ITPR3: variants seen among roughly 807,000 people sequenced by gnomAD.
The protein encoded by ITPR3 is inositol 1,4,5-trisphosphate-gated calcium channel ITPR3.
In ITPR3, 173 loss-of-function variants were observed where a neutral mutation model predicts 293.2. That is an observed-to-expected ratio of 0.59 (90% CI 0.52 to 0.67). The LOEUF (loss-of-function observed/expected upper bound fraction) is 0.67. Among genes scored for constraint, ITPR3 ranks in the 30% least tolerant of loss-of-function variants. ITPR3 has a pLI of 0.00. For synonymous variants in ITPR3, 1,295 were observed against 1,444.4 expected (o/e 0.90, Z 2.35); for missense variants, 2,796 against 3,592.1 (o/e 0.78, Z 5.66).
chr6:33,639,577 TG>T (rs965186062), intron 1 of ITPR3, among the ~76,000 whole-genome samples: 5 of 152,020 alleles, frequency 3.3e-5, no homozygotes, highest in African/African-American at 1.2e-4. Flanking sequence ...GTAACAGGCA[TG>T]GGGGTGTTAA....
intron 7 of ITPR3, among the ~76,000 whole-genome samples, chr6:33,660,560 AG>A (rs1186860372): frequency 6.6e-6 from 1 of 152,010 alleles, no homozygotes; most frequent in Non-Finnish European, 1.5e-5. Context: ...ACATTAATCA[AG>A]GTGCAGCCAT....
At position 33,662,999 on chromosome 6, in the gene ITPR3, C is replaced by G; in HGVS notation, c.947C>G (p.Ala316Gly). Residue 316 changes from alanine to glycine, a missense_variant, in exon 9 of 58, where the codon GCT (alanine) becomes GGT (glycine). Coordinates refer to ENST00000605930, the MANE Select transcript of ITPR3 (RefSeq NM_002224.4). The stretch of plus-strand genomic sequence containing the variant: ...CACCTGGCTACAGGCAACTACCTGG[C>G]TGCTGAGGTGAGCGGGAGGTAGAGG... Reference protein sequence around the residue: ...FKHLATGNYLAAEENPSYKGD... With the variant: ...FKHLATGNYLGAEENPSYKGD... 1 of 1,597,806 alleles carries G rather than the reference C, an allele frequency of 6.3e-7. No homozygotes were observed. Among genetic ancestry groups the G allele is most frequent in the Non-Finnish European group, 8.5e-7 (1 of 1,171,330 alleles).
intron 1 of ITPR3, among the ~76,000 whole-genome samples, chr6:33,631,476 G>A (rs768261673): frequency 6.6e-6 from 1 of 152,180 alleles, no homozygotes; most frequent in Non-Finnish European, 1.5e-5. Flanking sequence ...ATATGTCAGC[G>A]TTTTCTTCTC....
chr6:33,641,779 A>G (rs1244179897), intron 2 of ITPR3, among the ~76,000 whole-genome samples: 1 of 151,916 alleles, frequency 6.6e-6, no homozygotes, highest in Non-Finnish European at 1.5e-5. Context: ...CTCTGCCCTG[A>G]ACGTTCTTTC....
Position 33,689,368 on chromosome 6 carries a change from T to C in ITPR3, c.6825T>C (p.Tyr2275=). 1 of 1,611,912 alleles carries C rather than the reference T, an allele frequency of 6.2e-7. No individual in the cohort carries two copies. Among genetic ancestry groups the C allele is most frequent in the South Asian group, 1.1e-5 (1 of 91,084 alleles). The change falls in exon 50 of 58, where the codon TAT becomes TAC. Residue 2275 remains tyrosine, a synonymous_variant. Transcript: ENST00000605930. ...IVALILRSIY[Y]LGIGPTLNIL... ...CGCTCATCCTGCGCTCCATCTACTA[T>C]CTGGGCATCGGGCCCACACTCAACA...
chr6:33,683,105 C>G lies in ITPR3; in HGVS notation c.4598-102C>G. ...GGTCTCTGTCTCCCAGACCCTTGGT[C>G]TAGTTCACTCTGTCTCCTGGTGTGG... On this transcript the variant is annotated intron_variant, in intron 34 of 57. Transcript: ENST00000605930. The surrounding 1 kb of genome is among the most constrained non-coding windows in gnomAD (Gnocchi z 4.5). 1.2e-6 allele frequency: 1 copy of G among 859,276 alleles called. No individual in the cohort carries two copies. Among genetic ancestry groups the G allele is most frequent in the Non-Finnish European group, 1.7e-6 (1 of 586,802 alleles). 53.2% of individuals were successfully genotyped at this position (859,276 alleles called of 1,614,324 possible).
At chr6:33,677,115 A>G in intron 27 of ITPR3, 26 bp downstream of exon 27, 1 of 1,604,264 alleles carries the variant, frequency 6.2e-7, no homozygotes, top group South Asian at 1.1e-5. Context: ...TCCTCGGGGT[A>G]GGGATCTGCA....
intron 23 of ITPR3, 84 bp downstream of exon 23, chr6:33,673,804 C>G (rs1764834098): frequency 6.7e-7 from 1 of 1,496,752 alleles, no homozygotes; most frequent in South Asian, 1.2e-5. Context: ...GCTCCTCAGC[C>G]CTGCTCCTTT....
intron 7 of ITPR3, among the ~76,000 whole-genome samples, chr6:33,660,938 A>G (rs988957198): frequency 6.7e-6 from 1 of 148,724 alleles, no homozygotes; most frequent in Non-Finnish European, 1.5e-5. Context: ...CTCAAAAAAA[A>G]CAAACAAGCA....
intron 10 of ITPR3, 61 bp downstream of exon 10, chr6:33,663,611 A>G: frequency 3.7e-6 from 6 of 1,600,702 alleles, no homozygotes; most frequent in Non-Finnish European, 4.3e-6. Flanking sequence ...AGGCGGGGGC[A>G]GGGGAGGCCG....
At chr6:33,678,220 A>C (rs1198054764) in intron 28 of ITPR3, among the ~76,000 whole-genome samples, 1 of 150,770 alleles carries the variant, frequency 6.6e-6, no homozygotes, top group Non-Finnish European at 1.5e-5. Context: ...CCTTGCCCCA[A>C]CTCCAGCCTC....
chr6:33,628,551 G>A (rs924941935), intron 1 of ITPR3, among the ~76,000 whole-genome samples: 12 of 152,234 alleles, frequency 7.9e-5, no homozygotes, highest in African/African-American at 2.2e-4. Flanking sequence ...GAGAGAAATC[G>A]TGGGTGCAGA....
At chr6:33,694,874 C>T (rs1374657398) in intron 56 of ITPR3, 50 bp from the exon 57 acceptor site, 4 of 1,612,346 alleles carry the variant, frequency 2.5e-6, no homozygotes, top group Non-Finnish European at 2.5e-6. Flanking sequence ...TAAATGAGGC[C>T]TTTCTAGGCC....
At position 33,691,648 on chromosome 6, in the gene ITPR3, C is replaced by A. The variant is rs1765394060; in HGVS notation, c.7259C>A (p.Ala2420Glu). The A allele has an allele frequency of 1.2e-6, 2 of 1,613,942 alleles. No homozygotes were observed. Among genetic ancestry groups the A allele is most frequent in the African/African-American group, 2.7e-5 (2 of 74,880 alleles). The change falls in exon 53 of 58, where the codon GCA becomes GAA. Residue 2420 changes from alanine (A) to glutamate (E), a missense_variant. This residue lies in a region of ITPR3 where 568 missense variants were observed against 796.1 expected (regional missense o/e 0.71). Transcript: ENST00000605930. This position sits in a 1 kb window ranked among gnomAD's most constrained non-coding sequence, Gnocchi z 4.9. Reference sequence around the variant, plus strand: ...CTGGGGATGCCACATGGAGCTGCTGCATTTGTGGACACCTGCAGTGGGGAC... The same window carrying A: ...CTGGGGATGCCACATGGAGCTGCTGAATTTGTGGACACCTGCAGTGGGGAC... Reference protein sequence around the residue: ...SPLGMPHGAAAFVDTCSGDKM... With the variant: ...SPLGMPHGAAEFVDTCSGDKM...
rs1208141500 is a variant in ITPR3, at chr6:33,654,579, A to G, written c.161-1187A>G. Among the ~76,000 whole-genome samples the G allele has an allele frequency of 6.6e-6, 1 of 152,238 alleles. No homozygotes were observed. Among genetic ancestry groups the G allele is most frequent in the Non-Finnish European group, 1.5e-5 (1 of 68,032 alleles). ...GGACTGGATGACCAGCTTTGACCAG[A>G]GAAAAGACACAGCTTTCTTAGAGGG... On this transcript the variant is annotated intron_variant, in intron 2 of 57. Coordinates refer to ENST00000605930, the MANE Select transcript of ITPR3 (RefSeq NM_002224.4). The surrounding 1 kb of genome is among the most constrained non-coding windows in gnomAD (Gnocchi z 4.1).
chr6:33,678,443 T>G lies in ITPR3; in HGVS notation c.3671T>G (p.Ile1224Ser). 1 of 1,613,712 alleles carries G rather than the reference T, an allele frequency of 6.2e-7. No homozygotes were observed. Among genetic ancestry groups the G allele is most frequent in the Non-Finnish European group, 8.5e-7 (1 of 1,179,970 alleles). The stretch of plus-strand genomic sequence containing the variant: ...CAGGGTGATGCCAAGATGATGGAGA[T>G]CCTGCGCTACACGCACCAGTTCCTG... ...YDKGDAKMME[I>S]LRYTHQFLQK... Residue 1224 changes from isoleucine (I) to serine (S), a missense_variant, in exon 29 of 58, where the codon ATC (isoleucine) becomes AGC (serine). Physicochemically the swap from Ile to Ser is moderately radical, Grantham distance 142. Transcript: ENST00000605930.
rs577876208 is a variant in ITPR3 at position 33,675,153 on chromosome 6, C to A, written c.3117-538C>A. On this transcript the variant is annotated intron_variant, in intron 24 of 57. Coordinates refer to ENST00000605930, the MANE Select transcript of ITPR3 (RefSeq NM_002224.4). The surrounding 1 kb of genome is among the most constrained non-coding windows in gnomAD (Gnocchi z 5.0). ...GTCCTTGTTTCTGGCTAGGTGTGGT[C>A]GCTCATGCTTGTAATCCCAGCACTT... Among the ~76,000 whole-genome samples the A allele has an allele frequency of 6.6e-6, 1 of 152,076 alleles. No homozygotes were observed. The highest frequency in any genetic ancestry group is 1.5e-5 in the Non-Finnish European group (1 of 68,000).
In ITPR3 at chr6:33,663,919, G is replaced by A. The variant is rs2296337; in HGVS notation, c.1148+39G>A. 0.29 allele frequency: 464,424 copies of A among 1,609,442 alleles called. 69,860 individuals carry two copies. Among genetic ancestry groups the A allele is most frequent in the East Asian group, 0.44 (19,571 of 44,816 alleles). On this transcript the variant is annotated intron_variant, in intron 11 of 57. Coordinates refer to ENST00000605930, the MANE Select transcript of ITPR3 (RefSeq NM_002224.4). ...ATGTGCCTGGGAGTTGACTGGTGGTGCTCAGGGTGGGCCCTCCTGTCTCTG... is the reference window on the plus strand; with the variant it reads ...ATGTGCCTGGGAGTTGACTGGTGGTACTCAGGGTGGGCCCTCCTGTCTCTG...
rs1582126086 is a variant in ITPR3, at chr6:33,658,222, T to C, written c.369+204T>C. ...GTGGCCTGAGTAGCTGTGCCATGGG[T>C]GTGTTTACAGCATGGTGGCCATCAG... On this transcript the variant is annotated intron_variant, in intron 4 of 57. Coordinates refer to ENST00000605930, the MANE Select transcript of ITPR3 (RefSeq NM_002224.4). The surrounding 1 kb of genome is among the most constrained non-coding windows in gnomAD (Gnocchi z 6.1). 6.6e-6 allele frequency among the ~76,000 whole-genome samples: 1 copy of C among 152,014 alleles called. No individual in the cohort carries two copies. The highest frequency in any genetic ancestry group is 2.1e-4 in the South Asian group (1 of 4,826).
Sources: gnomAD v4.1 joint callset for allele counts (sites outside exome capture counted in the v4.1 genomes callset) on GRCh38, gnomAD v4.1.1 for gene constraint, gnomAD v4.1.1 regional missense constraint, Gnocchi (gnomAD v3.1) non-coding constraint, MANE v1.5 for transcripts, NCBI Gene and HGNC (gene_info 2026-07-23, HGNC 2026-07-21) for gene names.